Variants in TBL3 observed in about 807,000 individuals in gnomAD.
TBL3 encodes the protein transducin beta like 3.
Under a neutral mutation model 102.7 loss-of-function variants are expected in TBL3, and 71 were observed. That is an observed-to-expected ratio of 0.69 (90% CI 0.57 to 0.84). The LOEUF (loss-of-function observed/expected upper bound fraction) is 0.84, where lower values mean the gene tolerates loss of function less well. TBL3 is among the 40% of genes least tolerant of loss of function. TBL3 has a pLI of 0.00. For synonymous variants in TBL3, 578 were observed against 477.7 expected (o/e 1.21, Z -2.74); for missense variants, 1,188 against 1,098.5 (o/e 1.08, Z -1.15).
rs748080917 is a variant in TBL3 at position 1,980,820 on chromosome 16, G to A, written c.*2135G>A. ...TCCCTCACCCGGATGGCAGGGGCTG[G>A]GAGCTTCAGCAGGGACGAAGGGCCT... On this transcript the variant is annotated 3_prime_UTR_variant, in exon 22 of 22. Transcript: ENST00000568546. 42 of 1,483,856 alleles carry A rather than the reference G, an allele frequency of 2.8e-5. No homozygotes were observed. Among genetic ancestry groups the A allele is most frequent in the Admixed American group, 5.8e-5 (3 of 52,128 alleles). 91.9% of individuals were successfully genotyped at this position (1,483,856 alleles called of 1,614,324 possible).
At chr16:1,973,386 T>C (rs902629369) in intron 1 of TBL3, among the ~76,000 whole-genome samples, 3 of 152,020 alleles carry the variant, frequency 2.0e-5, no homozygotes, top group Non-Finnish European at 4.4e-5. Context: ...GCTGAGATCG[T>C]GCCACTGCAC....
rs1435199240 is a variant in TBL3 at position 1,979,647 on chromosome 16, G to T, written c.*962G>T. On this transcript the variant is annotated 3_prime_UTR_variant, in exon 22 of 22. Transcript: ENST00000568546. ...GCTTGAGTCTGCTGACGGCGGGGCCGCTCTAAGACCGGTTCGGGGCTTCCT... is the reference window on the plus strand; with the variant it reads ...GCTTGAGTCTGCTGACGGCGGGGCCTCTCTAAGACCGGTTCGGGGCTTCCT... 2 of 1,255,862 alleles carry T rather than the reference G, an allele frequency of 1.6e-6. No individual in the cohort carries two copies. The highest frequency in any genetic ancestry group is 2.2e-6 in the Non-Finnish European group (2 of 898,324). 77.8% of individuals were successfully genotyped at this position (1,255,862 alleles called of 1,614,324 possible).
chr16:1,977,382 G>C lies in TBL3; in HGVS notation c.1698G>C (p.Val566=). ...LKTFEGHDAS[V]LKVAFVSRGT... is the part of the protein sequence containing the mutation. The stretch of plus-strand genomic sequence containing the variant: ...CATTTGAGGGGCACGATGCTTCTGT[G>C]CTGAAGGTGGCCTTTGTGAGCCGTG... The change falls in exon 16 of 22, where the codon GTG becomes GTC. Residue 566 remains valine, a synonymous_variant. Transcript: ENST00000568546. 1 of 1,613,298 alleles carries C rather than the reference G, an allele frequency of 6.2e-7. No individual in the cohort carries two copies.
rs753352542 is a variant in TBL3, at chr16:1,977,390, T to C, written c.1706T>C (p.Val569Ala). ...FEGHDASVLKVAFVSRGTQLL... is the reference protein window; with the variant it reads ...FEGHDASVLKAAFVSRGTQLL... ...GGGCACGATGCTTCTGTGCTGAAGG[T>C]GGCCTTTGTGAGCCGTGGCACGCAG... is the stretch of plus-strand genomic sequence containing the variant. The change falls in exon 16 of 22, where the codon GTG (valine) becomes GCG (alanine). Residue 569 changes from valine to alanine, a missense_variant. By Grantham distance (64) the Val-to-Ala change is moderately conservative. Coordinates refer to ENST00000568546, the MANE Select transcript of TBL3 (RefSeq NM_006453.3). 9 of 1,561,298 alleles carry C rather than the reference T, an allele frequency of 5.8e-6. No homozygotes were observed. In the East Asian group the frequency reaches 1.5e-4, roughly 26 times the overall value.
chr16:1,977,527 C>T lies in TBL3; in HGVS notation c.1756C>T (p.Leu586Phe). 1 of 1,605,410 alleles carries T rather than the reference C, an allele frequency of 6.2e-7. No individual in the cohort carries two copies. The highest frequency in any genetic ancestry group is 8.5e-7 in the Non-Finnish European group (1 of 1,176,056). ...CCCCAAACCCAGCGGTTCGGATGGC[C>T]TCGTGAAGCTCTGGACCATCAAGAA... ...TQLLSSGSDG[L>F]VKLWTIKNNE... Residue 586 changes from leucine to phenylalanine, a missense_variant, in exon 17 of 22, where the codon CTC becomes TTC. Coordinates refer to ENST00000568546, the MANE Select transcript of TBL3 (RefSeq NM_006453.3).
Position 1,982,542 on chromosome 16 carries a change from T to A in TBL3, c.*3857T>A, listed in dbSNP as rs935401938. ...CCACACCCCATCAGCCCTGCATGGT[T>A]TCCACTTTTTCCTCCCCTACCCTCT... On this transcript the variant is annotated 3_prime_UTR_variant, in exon 22 of 22. Transcript: ENST00000568546. 1 of 152,266 alleles carries A rather than the reference T, an allele frequency of 6.6e-6. No homozygotes were observed. The highest frequency in any genetic ancestry group is 2.4e-5 in the African/African-American group (1 of 41,410). 9.4% of individuals were successfully genotyped at this position (152,266 alleles called of 1,614,324 possible).
rs1398985863 is a variant in TBL3 at position 1,978,719 on chromosome 16, C to T, written c.*34C>T. On this transcript the variant is annotated 3_prime_UTR_variant, in exon 22 of 22. Coordinates refer to ENST00000568546, the MANE Select transcript of TBL3 (RefSeq NM_006453.3). Reference sequence around the variant, plus strand: ...GCCTCTCTCCAGTCCATCCTGAACCCCTGGAAAACCCATAAAGGCCGCTCT... The same window carrying T: ...GCCTCTCTCCAGTCCATCCTGAACCTCTGGAAAACCCATAAAGGCCGCTCT... 4 of 1,588,200 alleles carry T rather than the reference C, an allele frequency of 2.5e-6. No individual in the cohort carries two copies. The African/African-American group carries it at 4.0e-5, about 16-fold the overall frequency.
In TBL3 at chr16:1,979,865, A is replaced by G; in HGVS notation, c.*1180A>G. The stretch of plus-strand genomic sequence containing the variant: ...TCCTCCAGGTAGGGCGCTGGAAACC[A>G]GGCGGTCTGCCGGTCTTCGTTCTCC... On this transcript the variant is annotated 3_prime_UTR_variant, in exon 22 of 22. Coordinates refer to ENST00000568546, the MANE Select transcript of TBL3 (RefSeq NM_006453.3). 1 of 1,581,842 alleles carries G rather than the reference A, an allele frequency of 6.3e-7. No homozygotes were observed. Among genetic ancestry groups the G allele is most frequent in the African/African-American group, 1.3e-5 (1 of 74,204 alleles).
intron 1 of TBL3, among the ~76,000 whole-genome samples, chr16:1,972,686 C>T (rs1055837856): frequency 2.6e-5 from 4 of 152,182 alleles, no homozygotes; most frequent in Non-Finnish European, 5.9e-5. Context: ...CAAGCCTTTG[C>T]CGAACAGCAG....
At position 1,972,122 on chromosome 16, in the gene TBL3, C is replaced by A. The variant is rs1444966801; in HGVS notation, c.-43C>A. 3 of 1,469,876 alleles carry A rather than the reference C, an allele frequency of 2.0e-6. No individual in the cohort carries two copies. The highest frequency in any genetic ancestry group is 2.6e-5 in the South Asian group (2 of 75,542). The allele number at this position is 1,469,876 out of a possible 1,614,324, so 91.1% of individuals were successfully genotyped here. The stretch of plus-strand genomic sequence containing the variant: ...ACCTCCCTCACGCGGCGGTGGCTGC[C>A]GGGACCCTAGCAGGTTTCAGCTGGA... On this transcript the variant is annotated 5_prime_UTR_variant, in exon 1 of 22. Coordinates refer to ENST00000568546, the MANE Select transcript of TBL3 (RefSeq NM_006453.3).
At position 1,982,216 on chromosome 16, in the gene TBL3, A is replaced by G. The variant is rs1481164473; in HGVS notation, c.*3531A>G. ...TCCAGGAAGCTGCCCTGGCTGCAAC[A>G]AAGGGCCTTTGTGTGTCTGTCCCAC... On this transcript the variant is annotated 3_prime_UTR_variant, in exon 22 of 22. Transcript: ENST00000568546. 6.6e-6 allele frequency: 1 copy of G among 152,238 alleles called. No individual in the cohort carries two copies. The highest frequency in any genetic ancestry group is 6.5e-5 in the Admixed American group (1 of 15,286). The allele number at this position is 152,238 out of a possible 1,614,324, so 9.4% of individuals were successfully genotyped here.
chr16:1,980,506 C>T lies in TBL3; in HGVS notation c.*1821C>T, dbSNP rs1237134191. 16 of 1,603,174 alleles carry T rather than the reference C, an allele frequency of 1.0e-5. No individual in the cohort carries two copies. Among genetic ancestry groups the T allele is most frequent in the Non-Finnish European group, 1.3e-5 (15 of 1,179,366 alleles). ...TCCAACAGCTGCAGGCGCGCCAGGC[C>T]GCGGCTCGTGCGCCCCACGCGTCCC... On this transcript the variant is annotated 3_prime_UTR_variant, in exon 22 of 22. Coordinates refer to ENST00000568546, the MANE Select transcript of TBL3 (RefSeq NM_006453.3).
rs759511429 is a variant in TBL3 at position 1,976,947 on chromosome 16, C to T, written c.1426C>T (p.Arg476Cys). The T allele has an allele frequency of 3.1e-6, 5 of 1,613,772 alleles. No homozygotes were observed. The highest frequency in any genetic ancestry group is 2.2e-5 in the South Asian group (2 of 91,094). ...PILLQAQTTQRCHDKDINSVA... is the reference protein window; with the variant it reads ...PILLQAQTTQCCHDKDINSVA... ...CCTCCTGCAGGCCCAGACCACTCAG[C>T]GCTGCCATGATAAGGTGACTCCATA... The change falls in exon 14 of 22, where the codon CGC (arginine) becomes TGC (cysteine). Residue 476 changes from arginine (R) to cysteine (C), a missense_variant. Arg to Cys is a radical substitution (Grantham distance 180). Coordinates refer to ENST00000568546, the MANE Select transcript of TBL3 (RefSeq NM_006453.3).
Position 1,974,433 on chromosome 16 carries a change from G to A in TBL3, c.237+10G>A. ...CAGCCCTGACAACGAGGTATGTGGG[G>A]CGGGGCCTGGAGGGGACCCGCTCCA... On this transcript the variant is annotated intron_variant, in intron 4 of 21. Transcript: ENST00000568546. 6.2e-7 allele frequency: 1 copy of A among 1,606,494 alleles called. No homozygotes were observed. The highest frequency in any genetic ancestry group is 1.3e-5 in the African/African-American group (1 of 74,884).
At position 1,976,925 on chromosome 16, in the gene TBL3, C is replaced by G. The variant is rs746534945; in HGVS notation, c.1404C>G (p.Leu468=). 8.7e-6 allele frequency: 14 copies of G among 1,613,886 alleles called. No homozygotes were observed. The South Asian group carries it at 1.3e-4, about 15-fold the overall frequency. The change falls in exon 14 of 22, where the codon CTC becomes CTG. Residue 468 remains leucine, a synonymous_variant. Coordinates refer to ENST00000568546, the MANE Select transcript of TBL3 (RefSeq NM_006453.3). ...KNTAPDNGPI[L]LQAQTTQRCH... ...CAGCCCCAGACAACGGCCCTATCCT[C>G]CTGCAGGCCCAGACCACTCAGCGCT... is the stretch of plus-strand genomic sequence containing the variant.
rs763258345 is a variant in TBL3, at chr16:1,974,864, AG to A, written c.464+22del. The A allele has an allele frequency of 6.8e-6, 11 of 1,613,026 alleles. No homozygotes were observed. Among genetic ancestry groups the A allele is most frequent in the South Asian group, 5.5e-5 (5 of 91,074 alleles). ...TGTCGTGCAGTGAGTTGGAAGGTGG[AG>A]GGGGAGGGCAGAGGCACCACCCAGG... On this transcript the variant is annotated intron_variant, in intron 6 of 21. Coordinates refer to ENST00000568546, the MANE Select transcript of TBL3 (RefSeq NM_006453.3).
Position 1,979,395 on chromosome 16 carries a change from C to G in TBL3, c.*710C>G. The G allele has an allele frequency of 1.3e-6, 2 of 1,599,782 alleles. No homozygotes were observed. Among genetic ancestry groups the G allele is most frequent in the South Asian group, 2.2e-5 (2 of 90,400 alleles). On this transcript the variant is annotated 3_prime_UTR_variant, in exon 22 of 22. Coordinates refer to ENST00000568546, the MANE Select transcript of TBL3 (RefSeq NM_006453.3). Reference sequence around the variant, plus strand: ...TTAGGGCCCCGCCCGCCTCGGCTAGCCTGCCCTGCCCACGCCCGCTCCCGC... The same window carrying G: ...TTAGGGCCCCGCCCGCCTCGGCTAGGCTGCCCTGCCCACGCCCGCTCCCGC...
At position 1,977,178 on chromosome 16, in the gene TBL3, G is replaced by A. The variant is rs762622745; in HGVS notation, c.1565G>A (p.Arg522His). 15 of 1,612,946 alleles carry A rather than the reference G, an allele frequency of 9.3e-6. No individual in the cohort carries two copies. Among genetic ancestry groups the A allele is most frequent in the East Asian group, 4.5e-5 (2 of 44,898 alleles). The change falls in exon 15 of 22, where the codon CGT becomes CAT. Residue 522 changes from arginine to histidine, a missense_variant. Arg to His is a conservative substitution (Grantham distance 29, BLOSUM62 0). Coordinates refer to ENST00000568546, the MANE Select transcript of TBL3 (RefSeq NM_006453.3). ...QLLGVFSGHRRGLWCVQFSPM... is the reference protein window; with the variant it reads ...QLLGVFSGHRHGLWCVQFSPM... ...CTGGGTGTCTTCTCAGGCCACCGGC[G>A]TGGCCTCTGGTGCGTCCAGTTCTCT... is the stretch of plus-strand genomic sequence containing the variant.
intron 15 of TBL3, 23 bp downstream of exon 15, chr16:1,977,307 C>G: frequency 1.2e-6 from 2 of 1,613,306 alleles, no homozygotes; most frequent in Non-Finnish European, 1.7e-6. Context: ...CCAGACCCTC[C>G]CCACTTCCCG....
Sources: gnomAD v4.1 joint callset for allele counts (sites outside exome capture counted in the v4.1 genomes callset) on GRCh38, gnomAD v4.1.1 for gene constraint, MANE v1.5 for transcripts, NCBI Gene and HGNC (gene_info 2026-07-23, HGNC 2026-07-21) for gene names.